The following MCF2L2 variants were observed in gnomAD, a reference collection of about 807,000 sequenced individuals.
The protein encoded by MCF2L2 is MCF.2 cell line derived transforming sequence-like 2.
A neutral mutation model predicts 150.2 loss-of-function variants in MCF2L2; 102 were observed. That is an observed-to-expected ratio of 0.68 (90% confidence interval 0.58 to 0.80). MCF2L2 has a LOEUF of 0.80. Ranked by LOEUF, MCF2L2 falls within the 30% of genes least tolerant of loss-of-function variation. The pLI, the probability that MCF2L2 is intolerant of heterozygous loss-of-function variation, is 0.00. For synonymous variants in MCF2L2, 465 were observed against 491.3 expected (o/e 0.95, Z 0.71); for missense variants, 1,256 against 1,372.8 (o/e 0.91, Z 1.34).
intron 15 of MCF2L2, among the ~76,000 whole-genome samples, chr3:183,246,770 G>A (rs909512403): frequency 7.9e-5 from 12 of 152,150 alleles, no homozygotes; most frequent in Admixed American, 1.3e-4. Context: ...CATACCACCC[G>A]CTACAGCAGC....
chr3:183,319,046 T>C (rs1285444311), intron 6 of MCF2L2, among the ~76,000 whole-genome samples: 2 of 152,236 alleles, frequency 1.3e-5, no homozygotes, highest in Non-Finnish European at 2.9e-5. Context: ...GAATTCTCTG[T>C]AGCATGCGAA....
At chr3:183,354,853 C>T (rs890329534) in intron 3 of MCF2L2, among the ~76,000 whole-genome samples, 4 of 152,050 alleles carry the variant, frequency 2.6e-5, no homozygotes, top group Admixed American at 2.6e-4. Context: ...GAGTTTGGCC[C>T]TTTTGAGTCA....
At chr3:183,208,922 G>T (rs1722589449) in intron 22 of MCF2L2, among the ~76,000 whole-genome samples, 1 of 152,170 alleles carries the variant, frequency 6.6e-6, no homozygotes, top group South Asian at 2.1e-4. Flanking sequence ...ATAAACTCTA[G>T]TCATTTCTAT....
intron 1 of MCF2L2, 88 bp downstream of exon 1, chr3:183,427,814 A>C: frequency 2.6e-6 from 3 of 1,135,172 alleles, no homozygotes; most frequent in Non-Finnish European, 1.3e-6. Flanking sequence ...GCCCCGGGGC[A>C]GCGGGTGAGG....
chr3:183,229,592 T>C (rs1723471596), intron 17 of MCF2L2, 74 bp downstream of exon 17: 1 of 704,514 alleles, frequency 1.4e-6, no homozygotes, highest in Admixed American at 2.6e-5. Context: ...TGTTTTCATC[T>C]CTCAATTCCA....
intron 15 of MCF2L2, among the ~76,000 whole-genome samples, chr3:183,240,199 C>T (rs1448410056): frequency 1.3e-5 from 2 of 152,182 alleles, no homozygotes; most frequent in African/African-American, 4.8e-5. Flanking sequence ...TCTCTTCCAC[C>T]AGTCTATTTT....
intron 3 of MCF2L2, among the ~76,000 whole-genome samples, chr3:183,348,939 A>G (rs1731006863): frequency 6.6e-6 from 1 of 152,236 alleles, no homozygotes; most frequent in African/African-American, 2.4e-5. Context: ...TTCCTCTCTC[A>G]GTAATTCATA....
intron 5 of MCF2L2, among the ~76,000 whole-genome samples, chr3:183,331,955 T>G (rs1203209152): frequency 2.0e-5 from 3 of 152,190 alleles, no homozygotes; most frequent in African/African-American, 7.2e-5. Context: ...TGGCTACAAT[T>G]ACATCCTTGA....
At chr3:183,265,027 G>T (rs1220193854) in intron 15 of MCF2L2, among the ~76,000 whole-genome samples, 1 of 152,138 alleles carries the variant, frequency 6.6e-6, no homozygotes, top group African/African-American at 2.4e-5. Flanking sequence ...TGAGATATCT[G>T]CATATTTTCT....
At position 183,228,299 on chromosome 3, in the gene MCF2L2, T is replaced by C. The variant is rs949142987; in HGVS notation, c.2113A>G (p.Arg705Gly). The C allele has an allele frequency of 1.2e-6, 2 of 1,612,372 alleles. No homozygotes were observed. The highest frequency in any genetic ancestry group is 1.7e-6 in the Non-Finnish European group (2 of 1,178,522). ...PELLAHCFLK[R>G]KEDLQIYFKY... ...ATTTACTGGGAGTACAGACTTACTC[T>C]CTTGAGAAAGCAATGTGCCAGAAGT... The change falls in exon 18 of 30, where the codon AGA (arginine) becomes GGA (glycine). Residue 705 changes from arginine to glycine, a missense_variant and splice_region_variant. By Grantham distance (125) the Arg-to-Gly change is moderately radical. Transcript: ENST00000328913.
intron 13 of MCF2L2, among the ~76,000 whole-genome samples, chr3:183,290,916 A>C (rs1023158095): frequency 6.6e-6 from 1 of 152,156 alleles, no homozygotes; most frequent in African/African-American, 2.4e-5. Context: ...GCTATGGTAG[A>C]CTTGATGGAG....
At chr3:183,363,985 C>T (rs1305324445) in intron 3 of MCF2L2, among the ~76,000 whole-genome samples, 2 of 152,058 alleles carry the variant, frequency 1.3e-5, no homozygotes. Context: ...TAAAAATTTA[C>T]TATTAATAAC....
At chr3:183,409,004 C>T (rs1312579614) in intron 1 of MCF2L2, among the ~76,000 whole-genome samples, 1 of 152,216 alleles carries the variant, frequency 6.6e-6, no homozygotes, top group East Asian at 1.9e-4. Context: ...TTGTTTAAGA[C>T]TCTAGTGCTT....
In MCF2L2 at chr3:183,366,070, G is replaced by T. The variant is rs575169243; in HGVS notation, c.275+13227C>A. Among the ~76,000 whole-genome samples the T allele has an allele frequency of 5.9e-5, 9 of 152,124 alleles. No homozygotes were observed. In the South Asian group the frequency reaches 1.5e-3, roughly 25 times the overall value. On this transcript the variant is annotated intron_variant, in intron 3 of 29. Transcript: ENST00000328913. The stretch of plus-strand genomic sequence containing the variant: ...ATACTCAAAGAAACAATAGTGAAAA[G>T]AATTCTAAGCCTAAGAAAGACTTTA...
chr3:183,349,448 T>C (rs1419035230), intron 3 of MCF2L2, among the ~76,000 whole-genome samples: 1 of 152,218 alleles, frequency 6.6e-6, no homozygotes, highest in Non-Finnish European at 1.5e-5. Context: ...CTTTGATTCA[T>C]AGGTTATATA....
chr3:183,381,186 C>A (rs2108589067), intron 2 of MCF2L2, among the ~76,000 whole-genome samples: 1 of 152,310 alleles, frequency 6.6e-6, no homozygotes, highest in East Asian at 1.9e-4. Context: ...GCAAGGCCAA[C>A]TACAAATGAC....
intron 1 of MCF2L2, among the ~76,000 whole-genome samples, chr3:183,421,366 C>T (rs948051921): frequency 2.0e-5 from 3 of 152,224 alleles, no homozygotes; most frequent in Admixed American, 6.5e-5. Flanking sequence ...CTTCAGATTG[C>T]ATAATCTCTA....
chr3:183,323,775 C>T (rs1002574128), intron 5 of MCF2L2, among the ~76,000 whole-genome samples: 2 of 144,602 alleles, frequency 1.4e-5, no homozygotes, highest in Admixed American at 7.0e-5. Flanking sequence ...CCAGCCTGGG[C>T]GACAGAACAA....
chr3:183,273,143 A>G, intron 15 of MCF2L2: 1 of 653,698 alleles, frequency 1.5e-6, no homozygotes, highest in Non-Finnish European at 2.5e-6. Flanking sequence ...TATCTTTTTA[A>G]AAAATGTCAA....
Sources: allele counts gnomAD v4.1 joint callset (sites outside exome capture counted in the v4.1 genomes callset), GRCh38; gene constraint gnomAD v4.1.1; transcripts MANE v1.5; gene names NCBI Gene and HGNC (gene_info 2026-07-23, HGNC 2026-07-21).